Variants in SLK observed in about 807,000 individuals in gnomAD.
The protein encoded by SLK is STE20 like kinase, also known as STE20-like serine/threonine-protein kinase.
SLK carries 67 observed loss-of-function variants against 147.7 expected under a neutral mutation model. The ratio of observed to expected loss-of-function variants is 0.45; its 90% CI spans 0.37 to 0.56. SLK has a LOEUF of 0.56. SLK is among the 20% of genes least tolerant of loss of function. The pLI, the probability that SLK is intolerant of heterozygous loss-of-function variation, is 0.00. For missense variants in SLK, 1,136 were observed against 1,438.8 expected, an observed-to-expected ratio of 0.79 and a Z score of 3.41; for synonymous variants, 441 against 475.0, an observed-to-expected ratio of 0.93 and a Z score of 0.93.
intron 2 of SLK, among the ~76,000 whole-genome samples, chr10:103,992,141 GTTTTTT>G (rs56381345): frequency 4.5e-4 from 41 of 91,792 alleles, no homozygotes; most frequent in Non-Finnish European, 7.3e-4. Context: ...TATTTCTTCT[GTTTTTT>G]TTTTTTTTTT....
chr10:103,997,459 C>G (rs1844190040), intron 4 of SLK, among the ~76,000 whole-genome samples: 1 of 152,182 alleles, frequency 6.6e-6, no homozygotes, highest in Non-Finnish European at 1.5e-5. Context: ...ATTGCTGAAT[C>G]ATATGGTAAT....
Position 104,003,031 on chromosome 10 carries a change from A to C in SLK, c.1853A>C (p.Glu618Ala). 1.2e-6 allele frequency: 2 copies of C among 1,613,954 alleles called. No individual in the cohort carries two copies. Among genetic ancestry groups the C allele is most frequent in the Non-Finnish European group, 1.7e-6 (2 of 1,179,912 alleles). The change falls in exon 9 of 19, where the codon GAA becomes GCA. Residue 618 changes from glutamate (E) to alanine (A), a missense_variant. Physicochemically the swap from Glu to Ala is moderately radical, Grantham distance 107 (BLOSUM62 -1). Transcript: ENST00000369755. Reference protein sequence around the residue: ...MNEIEEGKNKEQAINSSENIM... With the variant: ...MNEIEEGKNKAQAINSSENIM... ...GAAATAGAAGAAGGTAAAAATAAGG[A>C]ACAAGCAATAAACAGTTCAGAGAAC...
At chr10:103,969,834 A>C (rs1843769738) in intron 1 of SLK, among the ~76,000 whole-genome samples, 1 of 152,224 alleles carries the variant, frequency 6.6e-6, no homozygotes, top group South Asian at 2.1e-4. Context: ...AGGAGTTTAG[A>C]TTCTTTCACC....
intron 1 of SLK, among the ~76,000 whole-genome samples, chr10:103,990,442 T>G (rs991522780): frequency 1.4e-4 from 22 of 152,330 alleles, no homozygotes; most frequent in African/African-American, 5.3e-4. Flanking sequence ...CTTTCTGTAC[T>G]TTCCACGCAA....
At position 103,967,510 on chromosome 10, in the gene SLK, C is replaced by G. The variant is rs1843729214; in HGVS notation, c.-236C>G. 1 of 149,884 alleles carries G rather than the reference C, an allele frequency of 6.7e-6. No individual in the cohort carries two copies. Among genetic ancestry groups the G allele is most frequent in the East Asian group, 1.9e-4 (1 of 5,138 alleles). The allele number at this position is 149,884 out of a possible 1,614,324, so 9.3% of individuals were successfully genotyped here. Reference sequence around the variant, plus strand: ...TGGGCCGGAGGCGAGGCGCCCACCGCGCGGCTCGCGGGCCGGGCTCGGCGG... The same window carrying G: ...TGGGCCGGAGGCGAGGCGCCCACCGGGCGGCTCGCGGGCCGGGCTCGGCGG... On this transcript the variant is annotated 5_prime_UTR_variant, in exon 1 of 19. Transcript: ENST00000369755.
rs1182326969 is a variant in SLK, at chr10:104,020,644, A to G, written c.3447+31A>G. The G allele has an allele frequency of 7.5e-6, 12 of 1,600,190 alleles. No individual in the cohort carries two copies. In the East Asian group the frequency reaches 1.1e-4, roughly 15 times the overall value. ...ATACAGAAGCCTGACAGCAAAGCCC[A>G]TAGGATGCGGCAGCACAAGTGGCTG... On this transcript the variant is annotated intron_variant, in intron 17 of 18. Coordinates refer to ENST00000369755, the MANE Select transcript of SLK (RefSeq NM_014720.4).
Position 104,028,325 on chromosome 10 carries a change from C to T in SLK, c.*2605C>T, listed in dbSNP as rs1844624812. 1 of 152,380 alleles carries T rather than the reference C, an allele frequency of 6.6e-6. No individual in the cohort carries two copies. The highest frequency in any genetic ancestry group is 1.9e-4 in the East Asian group (1 of 5,180). The allele number at this position is 152,380 out of a possible 1,614,324, so 9.4% of individuals were successfully genotyped here. A position where few individuals can be genotyped will look rare whatever the true frequency, so the allele number is the denominator to read the frequency against. The stretch of plus-strand genomic sequence containing the variant: ...GAGTGCTGTGAACACAGCAGACCTG[C>T]ACACTTCTGCAGATCCAGCTCCTAC... On this transcript the variant is annotated 3_prime_UTR_variant, in exon 19 of 19. Transcript: ENST00000369755.
At position 104,002,497 on chromosome 10, in the gene SLK, A is replaced by C; in HGVS notation, c.1319A>C (p.Glu440Ala). 6.2e-7 allele frequency: 1 copy of C among 1,613,400 alleles called. No homozygotes were observed. Among genetic ancestry groups the C allele is most frequent in the Non-Finnish European group, 8.5e-7 (1 of 1,179,684 alleles). The change falls in exon 9 of 19, where the codon GAA (glutamate) becomes GCA (alanine). Residue 440 changes from glutamate (E) to alanine (A), a missense_variant. Around this residue, in one of 6 missense-constraint regions of SLK, gnomAD observed 516 missense variants for 531.3 expected, o/e 0.97. Coordinates refer to ENST00000369755, the MANE Select transcript of SLK (RefSeq NM_014720.4). ...LENLPDTEDQETVDINSVSEG... is the reference protein window; with the variant it reads ...LENLPDTEDQATVDINSVSEG... ...AATCTGCCTGACACAGAAGACCAAGAAACTGTGGACATTAATTCAGTCAGT... is the reference window on the plus strand; with the variant it reads ...AATCTGCCTGACACAGAAGACCAAGCAACTGTGGACATTAATTCAGTCAGT...
chr10:104,009,964 C>T (rs1175210621), intron 12 of SLK, among the ~76,000 whole-genome samples: 1 of 152,048 alleles, frequency 6.6e-6, no homozygotes, highest in Non-Finnish European at 1.5e-5. Context: ...TCTTTTGGTG[C>T]TTCTACTTGT....
rs140544341 is a variant in SLK, at chr10:103,991,270, C to T, written c.315+431C>T. On this transcript the variant is annotated intron_variant, in intron 2 of 18. Transcript: ENST00000369755. The stretch of plus-strand genomic sequence containing the variant: ...AATACTAGAAATGTTAAATATTTAT[C>T]GTATTATCAGGTTCAACTTTAGTGC... Among the ~76,000 whole-genome samples, 733 of 152,046 alleles carry T rather than the reference C, an allele frequency of 4.8e-3. 4 individuals carry two copies. The highest frequency in any genetic ancestry group is 8.3e-3 in the Non-Finnish European group (562 of 67,938).
Position 104,001,587 on chromosome 10 carries a change from A to G in SLK, c.993+15A>G. 1.9e-6 allele frequency: 3 copies of G among 1,613,096 alleles called. No individual in the cohort carries two copies. Among genetic ancestry groups the G allele is most frequent in the Non-Finnish European group, 2.5e-6 (3 of 1,179,402 alleles). The stretch of plus-strand genomic sequence containing the variant: ...AAAATTCTCTGGTCAGTATTTAGGA[A>G]AGAAATTTCATTTAGTGAATAGAGT... On this transcript the variant is annotated intron_variant, in intron 8 of 18. Transcript: ENST00000369755.
intron 16 of SLK, 121 bp from the exon 17 acceptor site, chr10:104,020,367 C>A: frequency 1.1e-6 from 1 of 939,038 alleles, no homozygotes; most frequent in Non-Finnish European, 1.6e-6. Flanking sequence ...TGAGTCTCAG[C>A]ATATTATTAC....
chr10:103,981,886 G>A (rs546061556), intron 1 of SLK, among the ~76,000 whole-genome samples: 2 of 152,256 alleles, frequency 1.3e-5, no homozygotes, highest in African/African-American at 2.4e-5. Context: ...GATTTTGATA[G>A]GGATTGCATT....
chr10:104,021,342 T>C (rs1219230926), intron 17 of SLK, among the ~76,000 whole-genome samples: 2 of 152,226 alleles, frequency 1.3e-5, no homozygotes, highest in African/African-American at 4.8e-5. Context: ...AGTGTCAGTT[T>C]TATGAGCAAA....
intron 4 of SLK, among the ~76,000 whole-genome samples, chr10:103,997,640 G>T (rs1844192774): frequency 6.6e-6 from 1 of 151,870 alleles, no homozygotes; most frequent in Non-Finnish European, 1.5e-5. Context: ...TAATGGGTAT[G>T]AATTTGTTGT....
rs777576680 is a variant in SLK at position 104,003,520 on chromosome 10, C to G, written c.2342C>G (p.Ser781Cys). 6.4e-7 allele frequency: 1 copy of G among 1,566,928 alleles called. No homozygotes were observed. Among genetic ancestry groups the G allele is most frequent in the South Asian group, 1.2e-5 (1 of 83,742 alleles). Residue 781 changes from serine (S) to cysteine (C), a missense_variant, in exon 9 of 19, where the codon TCT (serine) becomes TGT (cysteine). This residue lies in a region of SLK where 516 missense variants were observed against 531.3 expected (regional missense o/e 0.97). Transcript: ENST00000369755. Reference protein sequence around the residue: ...LSKTKDSGSISLQETRRQKKT... With the variant: ...LSKTKDSGSICLQETRRQKKT... ...AAAACTAAAGACAGTGGATCGATATCTTTACAAGTAAGTGTACATGAGTCA... is the reference window on the plus strand; with the variant it reads ...AAAACTAAAGACAGTGGATCGATATGTTTACAAGTAAGTGTACATGAGTCA...
Position 104,028,644 on chromosome 10 carries a change from C to A in SLK, c.*2924C>A, listed in dbSNP as rs547358600. On this transcript the variant is annotated 3_prime_UTR_variant, in exon 19 of 19. Coordinates refer to ENST00000369755, the MANE Select transcript of SLK (RefSeq NM_014720.4). ...AAGCTCTCAGGCATATGAGACCCAC[C>A]TTAATGAAGGGTCTCTGATTTCTTG... The A allele has an allele frequency of 4.6e-5, 7 of 152,288 alleles. No individual in the cohort carries two copies. The highest frequency in any genetic ancestry group is 1.7e-4 in the African/African-American group (7 of 41,550). The allele number at this position is 152,288 out of a possible 1,614,324, so 9.4% of individuals were successfully genotyped here. A position where few individuals can be genotyped will look rare whatever the true frequency, so the allele number is the denominator to read the frequency against.
At chr10:103,971,164 T>A (rs145344803) in intron 1 of SLK, among the ~76,000 whole-genome samples, 65 of 152,344 alleles carry the variant, frequency 4.3e-4, no homozygotes, top group African/African-American at 1.5e-3. Context: ...CTACTTTAAA[T>A]TTATTTTCTC....
chr10:104,024,856 C>T (rs1414939739), intron 18 of SLK, among the ~76,000 whole-genome samples: 1 of 152,180 alleles, frequency 6.6e-6, no homozygotes, highest in African/African-American at 2.4e-5. Context: ...TCACCGTGTC[C>T]TCACAGGGCG....
Sources: gnomAD v4.1 joint callset for allele counts (sites outside exome capture counted in the v4.1 genomes callset) on GRCh38, gnomAD v4.1.1 for gene constraint, gnomAD v4.1.1 regional missense constraint, MANE v1.5 for transcripts, NCBI Gene and HGNC (gene_info 2026-07-23, HGNC 2026-07-21) for gene names.